Variants in ZNF652 observed in about 807,000 individuals in gnomAD.
ZNF652 encodes zinc finger protein 652.
ZNF652 carries 16 observed loss-of-function variants against 45.2 expected under a neutral mutation model. The ratio of observed to expected loss-of-function variants is 0.35; its 90% CI spans 0.24 to 0.54. The LOEUF is 0.54. Among genes scored for constraint, ZNF652 ranks in the 20% least tolerant of loss-of-function variants. The pLI is 0.91. For synonymous variants in ZNF652, 250 were observed against 260.6 expected, an observed-to-expected ratio of 0.96 and a Z score of 0.39; for missense variants, 614 against 765.6, an observed-to-expected ratio of 0.80 and a Z score of 2.34.
At chr17:49,303,582 T>A (rs2069584955) in intron 5 of ZNF652, among the ~76,000 whole-genome samples, 2 of 152,084 alleles carry the variant, frequency 1.3e-5, no homozygotes, top group African/African-American at 4.8e-5. Context: ...ACTTGTACAA[T>A]AAAATACTTT....
In ZNF652 at chr17:49,298,877, G is replaced by A; in HGVS notation, c.1357C>T (p.Arg453Cys). The A allele has an allele frequency of 6.2e-7, 1 of 1,613,314 alleles. No individual in the cohort carries two copies. The highest frequency in any genetic ancestry group is 8.5e-7 in the Non-Finnish European group (1 of 1,179,722). Residue 453 changes from arginine to cysteine, a missense_variant, in exon 6 of 6, where the codon CGC becomes TGC. By Grantham distance (180) the Arg-to-Cys change is radical. This residue lies in a region of ZNF652 where 81 missense variants were observed against 167.0 expected (regional missense o/e 0.48). Coordinates refer to ENST00000430262, the MANE Select transcript of ZNF652 (RefSeq NM_001145365.3). ...CEICGKSFTSRPNMKRHRRTH... is the reference protein window; with the variant it reads ...CEICGKSFTSCPNMKRHRRTH... ...CTGCGGTGTCTCTTCATGTTGGGGC[G>A]GCTGGTGAAGCTTTTGCCACAGATT...
Position 49,311,321 on chromosome 17 carries a change from T to C in ZNF652, c.1300A>G (p.Thr434Ala). Residue 434 changes from threonine to alanine, a missense_variant, in exon 5 of 6, where the codon ACA becomes GCA. By Grantham distance (58) the Thr-to-Ala change is moderately conservative. Transcript: ENST00000430262. ...MKQYFDEHMK[T>A]HTGEKPFICE... ...CCCAAGAAATTCTTACCAGTGTGTGTTTTCATGTGTTCGTCGAAGTACTGC... is the reference window on the plus strand; with the variant it reads ...CCCAAGAAATTCTTACCAGTGTGTGCTTTCATGTGTTCGTCGAAGTACTGC... The C allele has an allele frequency of 6.2e-7, 1 of 1,614,072 alleles. No homozygotes were observed. The highest frequency in any genetic ancestry group is 8.5e-7 in the Non-Finnish European group (1 of 1,179,946).
intron 1 of ZNF652, among the ~76,000 whole-genome samples, chr17:49,351,879 CAG>C (rs2070286556): frequency 6.6e-6 from 1 of 152,054 alleles, no homozygotes; most frequent in South Asian, 2.1e-4. Flanking sequence ...CCCAGCTACT[CAG>C]GGGGCTGAGG....
At chr17:49,320,135 T>C (rs985452224) in intron 1 of ZNF652, among the ~76,000 whole-genome samples, 1 of 152,162 alleles carries the variant, frequency 6.6e-6, no homozygotes, top group Admixed American at 6.5e-5. Flanking sequence ...ATGCTCCCAA[T>C]AGTTATATCA....
At chr17:49,337,675 T>A (rs894118055) in intron 1 of ZNF652, among the ~76,000 whole-genome samples, 1 of 152,154 alleles carries the variant, frequency 6.6e-6, no homozygotes, top group African/African-American at 2.4e-5. Flanking sequence ...TATCTAGAGG[T>A]AAATAATAAA....
chr17:49,361,644 T>C (rs1269069800), intron 1 of ZNF652, among the ~76,000 whole-genome samples: 1 of 151,922 alleles, frequency 6.6e-6, no homozygotes, highest in Non-Finnish European at 1.5e-5. Flanking sequence ...GCTGCAAAAC[T>C]GCAGCCAAGC....
Position 49,298,730 on chromosome 17 carries a change from G to A in ZNF652, c.1504C>T (p.Pro502Ser). ...FRVTSPVNVP[P>S]AVQIPLTTSP... The stretch of plus-strand genomic sequence containing the variant: ...GTTGTAAGTGGGATCTGGACAGCAG[G>A]TGGCACATTCACGGGGCTGGTCACC... The change falls in exon 6 of 6, where the codon CCT becomes TCT. Residue 502 changes from proline (P) to serine (S), a missense_variant. By Grantham distance (74) the Pro-to-Ser change is moderately conservative. This residue lies in a region of ZNF652 where 132 missense variants were observed against 137.2 expected (regional missense o/e 0.96). Transcript: ENST00000430262. 1.9e-6 allele frequency: 3 copies of A among 1,614,096 alleles called. No homozygotes were observed. The highest frequency in any genetic ancestry group is 2.5e-6 in the Non-Finnish European group (3 of 1,180,030).
intron 1 of ZNF652, among the ~76,000 whole-genome samples, chr17:49,340,549 C>CAAAAAA (rs1040246588): frequency 6.0e-5 from 3 of 50,084 alleles, no homozygotes; most frequent in East Asian, 6.0e-4. Flanking sequence ...GACTCTGTCT[C>CAAAAAA]AAAAAAAAAA....
Position 49,322,127 on chromosome 17 carries a change from A to G in ZNF652, c.-258-4144T>C, listed in dbSNP as rs146495933. Among the ~76,000 whole-genome samples, 321 of 152,352 alleles carry G rather than the reference A, an allele frequency of 2.1e-3. 2 individuals are homozygous for G. Among genetic ancestry groups the G allele is most frequent in the African/African-American group, 7.4e-3 (308 of 41,584 alleles). ...CAATCACTGATTAAGATGGTACTCA[A>G]TAAAATAGCTTTTCTAAAGAGACTA... On this transcript the variant is annotated intron_variant, in intron 1 of 5. Transcript: ENST00000430262.
At chr17:49,361,350 G>A (rs1383347263) in intron 1 of ZNF652, 1 of 152,460 alleles carries the variant, frequency 6.6e-6, no homozygotes, top group Non-Finnish European at 1.5e-5. Context: ...GAGCCTGATT[G>A]GAGGGGAGGA....
intron 1 of ZNF652, among the ~76,000 whole-genome samples, chr17:49,343,958 G>A (rs1182307272): frequency 6.6e-6 from 1 of 152,138 alleles, no homozygotes; most frequent in Admixed American, 6.5e-5. Flanking sequence ...CAGCACTTTG[G>A]GAGGCCGAGG....
chr17:49,345,888 T>G (rs1291455059), intron 1 of ZNF652, among the ~76,000 whole-genome samples: 1 of 149,810 alleles, frequency 6.7e-6, no homozygotes, highest in South Asian at 2.1e-4. Flanking sequence ...TCAGATTCAA[T>G]GCCTAAGATC....
intron 1 of ZNF652, among the ~76,000 whole-genome samples, chr17:49,346,746 AC>A (rs1423558999): frequency 2.0e-5 from 3 of 152,248 alleles, no homozygotes; most frequent in Non-Finnish European, 2.9e-5. Flanking sequence ...CAAAATGTAT[AC>A]AAAGTAAATA....
intron 1 of ZNF652, among the ~76,000 whole-genome samples, chr17:49,333,198 C>T (rs999250359): frequency 1.3e-5 from 2 of 151,168 alleles, no homozygotes; most frequent in African/African-American, 4.8e-5. Context: ...GCTGGGACTA[C>T]AGGTGCCTGT....
chr17:49,343,921 A>T (rs1012663938), intron 1 of ZNF652, among the ~76,000 whole-genome samples: 1 of 152,102 alleles, frequency 6.6e-6, no homozygotes, highest in Non-Finnish European at 1.5e-5. Context: ...TAGGCCGGCC[A>T]GGCGCGGTGG....
chr17:49,298,891 T>C lies in ZNF652; in HGVS notation c.1343A>G (p.Lys448Arg). 6.2e-7 allele frequency: 1 copy of C among 1,612,884 alleles called. No homozygotes were observed. Among genetic ancestry groups the C allele is most frequent in the Non-Finnish European group, 8.5e-7 (1 of 1,179,514 alleles). Residue 448 changes from lysine (K) to arginine (R), a missense_variant, in exon 6 of 6, where the codon AAA (lysine) becomes AGA (arginine). Transcript: ENST00000430262. The stretch of plus-strand genomic sequence containing the variant: ...CATGTTGGGGCGGCTGGTGAAGCTT[T>C]TGCCACAGATTTCACAGATAAAGGG... ...EKPFICEICG[K>R]SFTSRPNMKR...
At chr17:49,311,222 GTGGTTT>G in intron 5 of ZNF652, 84 bp downstream of exon 5, 1 of 1,366,508 alleles carries the variant, frequency 7.3e-7, no homozygotes, top group South Asian at 1.6e-5. Context: ...ATGCAAATTT[GTGGTTT>G]TGATTTTTTT....
At chr17:49,333,278 C>T (rs1200377309) in intron 1 of ZNF652, among the ~76,000 whole-genome samples, 68 of 149,958 alleles carry the variant, frequency 4.5e-4, no homozygotes, top group Middle Eastern at 3.4e-3. Flanking sequence ...AGGATGGTCT[C>T]GATCTCCCAA....
intron 1 of ZNF652, among the ~76,000 whole-genome samples, chr17:49,339,245 A>G (rs1277242986): frequency 8.2e-5 from 10 of 122,318 alleles, no homozygotes; most frequent in Admixed American, 2.0e-4. Flanking sequence ...TCTGTCGCCT[A>G]GGCTTGGAGT....
Sources: allele counts gnomAD v4.1 joint callset (sites outside exome capture counted in the v4.1 genomes callset), GRCh38; gene constraint gnomAD v4.1.1; regional missense constraint gnomAD v4.1.1; transcripts MANE v1.5; gene names NCBI Gene and HGNC (gene_info 2026-07-23, HGNC 2026-07-21).